ACTR2: variants seen among roughly 807,000 people sequenced by gnomAD.
ACTR2 encodes the protein actin-related protein 2.
ACTR2 carries 5 observed loss-of-function variants against 50.2 expected under a neutral mutation model. The ratio of observed to expected loss-of-function variants is 0.10; its 90% CI spans 0.05 to 0.21. The LOEUF (loss-of-function observed/expected upper bound fraction) is 0.21, where lower values mean the gene tolerates loss of function less well. ACTR2 is among the 10% of genes least tolerant of loss of function. ACTR2 has a pLI of 1.00. For missense variants in ACTR2, 180 were observed against 480.6 expected (o/e 0.37, Z 5.85); for synonymous variants, 140 against 162.9 (o/e 0.86, Z 1.07).
intron 2 of ACTR2, 69 bp from the exon 3 acceptor site, chr2:65,246,455 T>A: frequency 2.8e-6 from 3 of 1,089,472 alleles, no homozygotes; most frequent in Non-Finnish European, 3.9e-6. Context: ...AATATTAAAA[T>A]TAATTATTCC....
chr2:65,233,131 A>G (rs909668119), intron 1 of ACTR2, among the ~76,000 whole-genome samples: 2 of 151,796 alleles, frequency 1.3e-5, no homozygotes, highest in African/African-American at 4.8e-5. Flanking sequence ...AGTAGCTGGG[A>G]TCACAGGTGT....
chr2:65,266,265 T>A (rs140654207), intron 8 of ACTR2, among the ~76,000 whole-genome samples: 1 of 152,308 alleles, frequency 6.6e-6, no homozygotes, highest in Non-Finnish European at 1.5e-5. Flanking sequence ...GGTAGTGTGC[T>A]CCTTCATAAA....
At chr2:65,255,185 T>G (rs1362550818) in intron 5 of ACTR2, among the ~76,000 whole-genome samples, 1 of 152,222 alleles carries the variant, frequency 6.6e-6, no homozygotes, top group African/African-American at 2.4e-5. Flanking sequence ...GCATTAATTG[T>G]GTGAGCAAAC....
chr2:65,242,677 C>T (rs548271332), intron 2 of ACTR2: 40 of 499,644 alleles, frequency 8.0e-5, no homozygotes, highest in Non-Finnish European at 1.2e-4. Flanking sequence ...CAACAGATTT[C>T]CCCCCCAAAC....
rs1186509733 is a variant in ACTR2 at position 65,227,880 on chromosome 2, C to T, written c.-30C>T. On this transcript the variant is annotated 5_prime_UTR_variant, in exon 1 of 9. Transcript: ENST00000260641. ...CGGGCGGCGGTGGCTGTAGGTTGTG[C>T]GGCTGCAGCGGCTCTTCCCTGGGCG... 4.7e-6 allele frequency: 7 copies of T among 1,499,974 alleles called. No homozygotes were observed. Among genetic ancestry groups the T allele is most frequent in the South Asian group, 3.8e-5 (3 of 79,808 alleles). The allele number at this position is 1,499,974 out of a possible 1,614,324, so 92.9% of individuals were successfully genotyped here. A position where few individuals can be genotyped will look rare whatever the true frequency, so the allele number is the denominator to read the frequency against.
chr2:65,252,623 C>T (rs571756074), intron 4 of ACTR2, among the ~76,000 whole-genome samples: 28 of 151,322 alleles, frequency 1.9e-4, no homozygotes, highest in Middle Eastern at 3.5e-3. Context: ...CCAGCCTGGG[C>T]GACAGAGTGA....
intron 6 of ACTR2, 63 bp from the exon 7 acceptor site, chr2:65,261,184 C>A: frequency 2.6e-6 from 4 of 1,566,788 alleles, no homozygotes. Context: ...TACTAGTGTT[C>A]CGGAGAACAC....
intron 6 of ACTR2, 106 bp from the exon 7 acceptor site, chr2:65,261,141 T>C: frequency 9.2e-7 from 1 of 1,081,536 alleles, no homozygotes. Flanking sequence ...TTGTTGGTAA[T>C]GATTTTGGTT....
At chr2:65,231,813 G>C (rs1671642217) in intron 1 of ACTR2, among the ~76,000 whole-genome samples, 1 of 152,126 alleles carries the variant, frequency 6.6e-6, no homozygotes, top group African/African-American at 2.4e-5. Flanking sequence ...GAATTGTCTT[G>C]GGCCACACAT....
intron 3 of ACTR2, among the ~76,000 whole-genome samples, chr2:65,250,237 G>A (rs13393174): frequency 1.5e-3 from 233 of 152,006 alleles, no homozygotes; most frequent in Middle Eastern, 0.01. Context: ...GGTGGTGTAC[G>A]CCTGTAGTCC....
Position 65,227,859 on chromosome 2 carries a change from C to G in ACTR2, c.-51C>G, listed in dbSNP as rs760785080. ...AGAGGAAGAAGAGAAAACGGCCGGG[C>G]GGCGGTGGCTGTAGGTTGTGCGGCT... On this transcript the variant is annotated 5_prime_UTR_variant, in exon 1 of 9. Transcript: ENST00000260641. 2.7e-6 allele frequency: 4 copies of G among 1,486,856 alleles called. No homozygotes were observed. Among genetic ancestry groups the G allele is most frequent in the Non-Finnish European group, 2.7e-6 (3 of 1,116,616 alleles). The allele number at this position is 1,486,856 out of a possible 1,614,324, so 92.1% of individuals were successfully genotyped here. A position where few individuals can be genotyped will look rare whatever the true frequency, so the allele number is the denominator to read the frequency against.
At chr2:65,230,224 A>G (rs576385489) in intron 1 of ACTR2, among the ~76,000 whole-genome samples, 2 of 152,250 alleles carry the variant, frequency 1.3e-5, no homozygotes, top group East Asian at 3.9e-4. Context: ...TAAATAAAAA[A>G]CTTTAAAAAT....
intron 6 of ACTR2, among the ~76,000 whole-genome samples, chr2:65,256,581 TTTG>T (rs1672152824): frequency 6.6e-6 from 1 of 152,126 alleles, no homozygotes; most frequent in African/African-American, 2.4e-5. Flanking sequence ...TTATAAAAAA[TTTG>T]TTGTTGGCCG....
At chr2:65,249,020 AAAAAG>A (rs1299228508) in intron 3 of ACTR2, among the ~76,000 whole-genome samples, 6 of 114,944 alleles carry the variant, frequency 5.2e-5, no homozygotes, top group African/African-American at 1.6e-4. Context: ...CTCAAAAAGA[AAAAAG>A]AAAAAGAAAA....
intron 6 of ACTR2, among the ~76,000 whole-genome samples, chr2:65,256,754 C>T (rs1172271280): frequency 1.3e-5 from 2 of 151,836 alleles, no homozygotes; most frequent in Non-Finnish European, 2.9e-5. Context: ...CACCTGTAGT[C>T]CCAGCTATTC....
chr2:65,242,714 C>T, intron 2 of ACTR2: 1 of 475,930 alleles, frequency 2.1e-6, no homozygotes, highest in South Asian at 1.6e-5. Flanking sequence ...TTCTTTATAA[C>T]TATAAGCTTG....
intron 1 of ACTR2, among the ~76,000 whole-genome samples, chr2:65,236,356 G>C (rs981607805): frequency 1.3e-5 from 2 of 150,642 alleles, no homozygotes; most frequent in African/African-American, 4.9e-5. Context: ...AAAAAGACAA[G>C]TGAAATTCTG....
At chr2:65,246,499 C>T in intron 2 of ACTR2, 25 bp from the exon 3 acceptor site, 1 of 1,511,032 alleles carries the variant, frequency 6.6e-7, no homozygotes, top group Non-Finnish European at 9.0e-7. Flanking sequence ...AAACTTTGAT[C>T]TACAGCTTTG....
intron 2 of ACTR2, among the ~76,000 whole-genome samples, chr2:65,240,617 G>C (rs562222595): frequency 7.9e-5 from 12 of 152,252 alleles, no homozygotes; most frequent in African/African-American, 2.6e-4. Context: ...CCATATTAAA[G>C]GGATCAGAAA....
Sources: gnomAD v4.1 joint callset for allele counts (sites outside exome capture counted in the v4.1 genomes callset) on GRCh38, gnomAD v4.1.1 for gene constraint, MANE v1.5 for transcripts, NCBI Gene and HGNC (gene_info 2026-07-23, HGNC 2026-07-21) for gene names.